The following PANK4 variants were observed in gnomAD, a reference collection of about 807,000 sequenced individuals.
PANK4 encodes the protein 4'-phosphopantetheine phosphatase.
Under a neutral mutation model 87.9 loss-of-function variants are expected in PANK4, and 40 were observed. The ratio of observed to expected loss-of-function variants is 0.46; its 90% CI spans 0.35 to 0.59. PANK4 has a LOEUF of 0.59. Among genes scored for constraint, PANK4 ranks in the 20% least tolerant of loss-of-function variants. The pLI, the probability that PANK4 is intolerant of heterozygous loss-of-function variation, is 0.00. For synonymous variants in PANK4, 524 were observed against 467.4 expected, an observed-to-expected ratio of 1.12 and a Z score of -1.56; for missense variants, 926 against 1,072.3, an observed-to-expected ratio of 0.86 and a Z score of 1.90.
rs1044819248 is a variant in PANK4, at chr1:2,515,468, T to G, written c.1374+94A>C. 7.4e-7 allele frequency: 1 copy of G among 1,353,494 alleles called. No homozygotes were observed. The highest frequency in any genetic ancestry group is 1.2e-5 in the South Asian group (1 of 85,656). The allele number at this position is 1,353,494 out of a possible 1,614,324, so 83.8% of individuals were successfully genotyped here. On this transcript the variant is annotated intron_variant, in intron 10 of 18. Coordinates refer to ENST00000378466, the MANE Select transcript of PANK4 (RefSeq NM_018216.4). The surrounding 1 kb of genome is among the most constrained non-coding windows in gnomAD (Gnocchi z 5.0). ...GGGGTTTCTGGACAACACTGGCCTG[T>G]CCCCCTTCGCCACCTTGGCTTTGCC...
Position 2,509,211 on chromosome 1 carries a change from C to T in PANK4, c.2109-151G>A, listed in dbSNP as rs1300871838. 17 of 637,882 alleles carry T rather than the reference C, an allele frequency of 2.7e-5. No individual in the cohort carries two copies. Among genetic ancestry groups the T allele is most frequent in the Non-Finnish European group, 4.6e-5 (17 of 368,612 alleles). 39.5% of individuals were successfully genotyped at this position (637,882 alleles called of 1,614,324 possible). ...AACCCAGCCTCCGCCTGGTAGCTGC[C>T]TCAGCCTGGGGCTTCCTCAGAGCAG... On this transcript the variant is annotated intron_variant, in intron 18 of 18. Coordinates refer to ENST00000378466, the MANE Select transcript of PANK4 (RefSeq NM_018216.4). The surrounding 1 kb of genome is among the most constrained non-coding windows in gnomAD (Gnocchi z 4.9).
intron 13 of PANK4, chr1:2,512,488 G>A (rs554525271): frequency 8.4e-5 from 15 of 178,840 alleles, no homozygotes; most frequent in African/African-American, 2.4e-4. Flanking sequence ...AGACACCTGC[G>A]TGTCCTACAG....
intron 9 of PANK4, among the ~76,000 whole-genome samples, chr1:2,517,735 G>A (rs1393810312): frequency 1.3e-5 from 2 of 152,256 alleles, no homozygotes; most frequent in African/African-American, 2.4e-5. Context: ...GACTGTAACC[G>A]ACAGACCATC....
In PANK4 at chr1:2,517,182, G is replaced by A. The variant is rs540527144; in HGVS notation, c.1218+982C>T. On this transcript the variant is annotated intron_variant, in intron 9 of 18. Transcript: ENST00000378466. ...CCTGGGGCTCTGCCAGGCCCCCAGA[G>A]CCTCGCCCCCACTCCCCTGCCTAGT... Among the ~76,000 whole-genome samples, 20 of 152,338 alleles carry A rather than the reference G, an allele frequency of 1.3e-4. No homozygotes were observed. In the South Asian group the frequency reaches 4.1e-3, roughly 32 times the overall value.
intron 1 of PANK4, among the ~76,000 whole-genome samples, chr1:2,525,106 C>A (rs895052177): frequency 6.6e-6 from 1 of 152,188 alleles, no homozygotes; most frequent in African/African-American, 2.4e-5. Context: ...CATCGCCCCC[C>A]ACTTCCCTAG....
Position 2,513,061 on chromosome 1 carries a change from A to G in PANK4, c.1576-22T>C, listed in dbSNP as rs371546234. 5.0e-5 allele frequency: 79 copies of G among 1,572,574 alleles called. No homozygotes were observed. The South Asian group carries it at 8.4e-4, about 17-fold the overall frequency. The stretch of plus-strand genomic sequence containing the variant: ...TCACCTGTGGAGAGTGCCAGATGCC[A>G]GGCCTGAGTGAAGACGTGGCCTCAG... On this transcript the variant is annotated intron_variant, in intron 12 of 18. Coordinates refer to ENST00000378466, the MANE Select transcript of PANK4 (RefSeq NM_018216.4).
chr1:2,509,655 C>A lies in PANK4; in HGVS notation c.2108+207G>T. ...CCCAAACCCAGCCCATGTGTAACCA[C>A]CTCAGACCCTGAATCCATTCACCCT... On this transcript the variant is annotated intron_variant, in intron 18 of 18. Transcript: ENST00000378466. The surrounding 1 kb of genome is among the most constrained non-coding windows in gnomAD (Gnocchi z 4.9). 1.6e-6 allele frequency: 1 copy of A among 614,200 alleles called. No individual in the cohort carries two copies. The highest frequency in any genetic ancestry group is 3.0e-6 in the Non-Finnish European group (1 of 338,176). 38.0% of individuals were successfully genotyped at this position (614,200 alleles called of 1,614,324 possible). A position where few individuals can be genotyped will look rare whatever the true frequency, so the allele number is the denominator to read the frequency against.
rs983550795 is a variant in PANK4, at chr1:2,515,400, G to C, written c.1374+162C>G. 1 of 781,512 alleles carries C rather than the reference G, an allele frequency of 1.3e-6. No homozygotes were observed. Among genetic ancestry groups the C allele is most frequent in the Non-Finnish European group, 2.2e-6 (1 of 456,354 alleles). The allele number at this position is 781,512 out of a possible 1,614,324, so 48.4% of individuals were successfully genotyped here. A position where few individuals can be genotyped will look rare whatever the true frequency, so the allele number is the denominator to read the frequency against. On this transcript the variant is annotated intron_variant, in intron 10 of 18. Transcript: ENST00000378466. This position sits in a 1 kb window ranked among gnomAD's most constrained non-coding sequence, Gnocchi z 5.0. ...CCAGGTGGCCAGGAGCGGTATTTTT[G>C]CCTGAGAAACCAAAATCGCCCCCTC... is the stretch of plus-strand genomic sequence containing the variant.
Position 2,526,456 on chromosome 1 carries a change from G to A in PANK4, c.124+8C>T, listed in dbSNP as rs767518521. The A allele has an allele frequency of 2.0e-6, 3 of 1,469,622 alleles. No homozygotes were observed. The Admixed American group carries it at 6.2e-5, about 31-fold the overall frequency. 91.0% of individuals were successfully genotyped at this position (1,469,622 alleles called of 1,614,324 possible). A position where few individuals can be genotyped will look rare whatever the true frequency, so the allele number is the denominator to read the frequency against. ...GCAGCCCGCGCCCGGCGCCCGGCCTGCGGCTACCTATGTCGATGGCGAAGC... is the reference window on the plus strand; with the variant it reads ...GCAGCCCGCGCCCGGCGCCCGGCCTACGGCTACCTATGTCGATGGCGAAGC... On this transcript the variant is annotated splice_region_variant and intron_variant, in intron 1 of 18. Transcript: ENST00000378466.
rs946704163 is a variant in PANK4, at chr1:2,520,451, C to T, written c.607-37G>A. ...CCAGGGCAGGTGTGCCCTCAGTGGG[C>T]CCTCAGCCACACAGGCTCCCCCGCC... On this transcript the variant is annotated intron_variant, in intron 4 of 18. Coordinates refer to ENST00000378466, the MANE Select transcript of PANK4 (RefSeq NM_018216.4). The surrounding 1 kb of genome is among the most constrained non-coding windows in gnomAD (Gnocchi z 6.2). 2.6e-6 allele frequency: 4 copies of T among 1,563,610 alleles called. No individual in the cohort carries two copies. Among genetic ancestry groups the T allele is most frequent in the African/African-American group, 2.7e-5 (2 of 73,994 alleles).
Position 2,519,948 on chromosome 1 carries a change from C to T in PANK4, c.706G>A (p.Asp236Asn), listed in dbSNP as rs772082359. ...GALLTKTKKF[D>N]ELLHLASRGQ... ...CTCGAGGCCAGGTGCAGGAGCTCGT[C>T]AAACTTCTGCAGGACACGGCGAGGG... Residue 236 changes from aspartate (D) to asparagine (N), a missense_variant, in exon 6 of 19, where the codon GAC becomes AAC. By Grantham distance (23) the Asp-to-Asn change is conservative. Coordinates refer to ENST00000378466, the MANE Select transcript of PANK4 (RefSeq NM_018216.4). This position sits in a 1 kb window ranked among gnomAD's most constrained non-coding sequence, Gnocchi z 8.3. The T allele has an allele frequency of 1.9e-6, 3 of 1,556,948 alleles. No homozygotes were observed. Among genetic ancestry groups the T allele is most frequent in the Non-Finnish European group, 2.6e-6 (3 of 1,148,500 alleles).
rs1643609415 is a variant in PANK4 at position 2,508,724 on chromosome 1, G to T, written c.*123C>A. 6 of 653,854 alleles carry T rather than the reference G, an allele frequency of 9.2e-6. No individual in the cohort carries two copies. The East Asian group carries it at 1.4e-4, about 15-fold the overall frequency. 40.5% of individuals were successfully genotyped at this position (653,854 alleles called of 1,614,324 possible). The stretch of plus-strand genomic sequence containing the variant: ...TGGGTCACACGCATCTGTGCGGCTG[G>T]GGTGTATGTGCCGCGTCACAGCAGT... On this transcript the variant is annotated 3_prime_UTR_variant, in exon 19 of 19. Coordinates refer to ENST00000378466, the MANE Select transcript of PANK4 (RefSeq NM_018216.4). The surrounding 1 kb of genome is among the most constrained non-coding windows in gnomAD (Gnocchi z 5.1).
Position 2,515,337 on chromosome 1 carries a change from G to A in PANK4, c.1374+225C>T, listed in dbSNP as rs1279241146. The A allele has an allele frequency of 4.3e-6, 3 of 697,820 alleles. No homozygotes were observed. Among genetic ancestry groups the A allele is most frequent in the East Asian group, 5.4e-5 (2 of 36,890 alleles). The allele number at this position is 697,820 out of a possible 1,614,324, so 43.2% of individuals were successfully genotyped here. On this transcript the variant is annotated intron_variant, in intron 10 of 18. Coordinates refer to ENST00000378466, the MANE Select transcript of PANK4 (RefSeq NM_018216.4). This position sits in a 1 kb window ranked among gnomAD's most constrained non-coding sequence, Gnocchi z 5.0. ...GCAGAACTATCAGCTGCCCTTAGAA[G>A]CAACGTGCCTCGCAGACGCCACGTC...
At position 2,508,551 on chromosome 1, in the gene PANK4, C is replaced by G. The variant is rs1245942491; in HGVS notation, c.*296G>C. 1 of 169,646 alleles carries G rather than the reference C, an allele frequency of 5.9e-6. No individual in the cohort carries two copies. Among genetic ancestry groups the G allele is most frequent in the Non-Finnish European group, 1.2e-5 (1 of 80,888 alleles). 10.5% of individuals were successfully genotyped at this position (169,646 alleles called of 1,614,324 possible). On this transcript the variant is annotated 3_prime_UTR_variant, in exon 19 of 19. Coordinates refer to ENST00000378466, the MANE Select transcript of PANK4 (RefSeq NM_018216.4). The surrounding 1 kb of genome is among the most constrained non-coding windows in gnomAD (Gnocchi z 5.1). ...ATGGCTCCGGCCTCTTTTAAAAACT[C>G]TATTTGGTGCGTGCCCACGGTGCTG...
Position 2,509,768 on chromosome 1 carries a change from GA to G in PANK4, c.2108+93del. ...CAGGAGAGGCCGCAGGGGCAGTCCT[GA>G]GGTCGGTGTCCCGCATGCACCTGGG... is the stretch of plus-strand genomic sequence containing the variant. On this transcript the variant is annotated intron_variant, in intron 18 of 18. Coordinates refer to ENST00000378466, the MANE Select transcript of PANK4 (RefSeq NM_018216.4). This position sits in a 1 kb window ranked among gnomAD's most constrained non-coding sequence, Gnocchi z 4.9. The G allele has an allele frequency of 1.8e-6, 2 of 1,106,204 alleles. No homozygotes were observed. Among genetic ancestry groups the G allele is most frequent in the Non-Finnish European group, 2.7e-6 (2 of 734,800 alleles). 68.5% of individuals were successfully genotyped at this position (1,106,204 alleles called of 1,614,324 possible).
At position 2,520,326 on chromosome 1, in the gene PANK4, G is replaced by T; in HGVS notation, c.695C>A (p.Thr232Lys). Residue 232 changes from threonine to lysine, a missense_variant, in exon 5 of 19, where the codon ACG becomes AAG. Coordinates refer to ENST00000378466, the MANE Select transcript of PANK4 (RefSeq NM_018216.4). This position sits in a 1 kb window ranked among gnomAD's most constrained non-coding sequence, Gnocchi z 6.2. ...TCTCTGGCAGCTGCCGCATACCTTC[G>T]TTTTGGTGAGCAGAGCGCCAAGCCC... ...FWGLGALLTK[T>K]KKFDELLHLA... The T allele has an allele frequency of 1.9e-6, 3 of 1,612,678 alleles. No individual in the cohort carries two copies. Among genetic ancestry groups the T allele is most frequent in the Non-Finnish European group, 2.5e-6 (3 of 1,179,760 alleles).
At chr1:2,513,646 C>T (rs1195026030) in intron 12 of PANK4, among the ~76,000 whole-genome samples, 1 of 152,208 alleles carries the variant, frequency 6.6e-6, no homozygotes, top group African/African-American at 2.4e-5. Context: ...GAAAGCAGTC[C>T]CCAACCACAA....
At chr1:2,514,215 C>A in intron 11 of PANK4, 126 bp from the exon 12 acceptor site, 1 of 1,124,100 alleles carries the variant, frequency 8.9e-7, no homozygotes, top group Non-Finnish European at 1.3e-6. Flanking sequence ...AGGCGGGGTC[C>A]AAGGGGGCTG....
Position 2,515,828 on chromosome 1 carries a change from C to T in PANK4, c.1219-111G>A, listed in dbSNP as rs547214940. On this transcript the variant is annotated intron_variant, in intron 9 of 18. Coordinates refer to ENST00000378466, the MANE Select transcript of PANK4 (RefSeq NM_018216.4). This position sits in a 1 kb window ranked among gnomAD's most constrained non-coding sequence, Gnocchi z 5.0. ...AAGAAGGGAGATGTACTGCCTTCTT[C>T]CGCCACGTCTCTGGGCCACAGACGA... 3 of 1,083,434 alleles carry T rather than the reference C, an allele frequency of 2.8e-6. No homozygotes were observed. Among genetic ancestry groups the T allele is most frequent in the Admixed American group, 2.2e-5 (1 of 44,804 alleles). 67.1% of individuals were successfully genotyped at this position (1,083,434 alleles called of 1,614,324 possible). A position where few individuals can be genotyped will look rare whatever the true frequency, so the allele number is the denominator to read the frequency against.
Sources: allele counts gnomAD v4.1 joint callset (sites outside exome capture counted in the v4.1 genomes callset), GRCh38; gene constraint gnomAD v4.1.1; non-coding constraint Gnocchi (gnomAD v3.1); transcripts MANE v1.5; gene names NCBI Gene and HGNC (gene_info 2026-07-23, HGNC 2026-07-21).